Variants in SPEN observed in about 807,000 individuals in gnomAD.
The protein encoded by SPEN is msx2-interacting protein.
A neutral mutation model predicts 269.9 loss-of-function variants in SPEN; 18 were observed. That is an observed-to-expected ratio of 0.07 (90% CI 0.05 to 0.10). The LOEUF (loss-of-function observed/expected upper bound fraction) is 0.10, where lower values mean the gene tolerates loss of function less well. SPEN is among the 10% of genes least tolerant of loss of function. The probability of loss-of-function intolerance (pLI) is 1.00; values close to 1 mark genes in which losing one functional copy is unlikely to be tolerated. For missense variants in SPEN, 3,822 were observed against 4,631.2 expected (o/e 0.83, Z 5.07); for synonymous variants, 1,726 against 1,765.7 (o/e 0.98, Z 0.56).
intron 3 of SPEN, among the ~76,000 whole-genome samples, chr1:15,904,580 A>G (rs2070937683): frequency 6.6e-6 from 1 of 151,646 alleles, no homozygotes; most frequent in South Asian, 2.1e-4. Flanking sequence ...TGATTCTGAA[A>G]GTTAAATTCT....
At position 15,937,761 on chromosome 1, in the gene SPEN, G is replaced by C. The variant is rs1557764063; in HGVS notation, c.10510-51G>C. 6.2e-7 allele frequency: 1 copy of C among 1,611,328 alleles called. No homozygotes were observed. The highest frequency in any genetic ancestry group is 1.7e-5 in the Admixed American group (1 of 59,054). On this transcript the variant is annotated intron_variant, in intron 12 of 14. Transcript: ENST00000375759. The surrounding 1 kb of genome is among the most constrained non-coding windows in gnomAD (Gnocchi z 5.7). ...TACAGCCTCTGGCTGTGTCCAGCAT[G>C]GCTCAGCGAGGGGCCATGAGCTCAC...
intron 1 of SPEN, 72 bp from the exon 2 acceptor site, chr1:15,872,744 C>CA (rs1281924434): frequency 4.1e-5 from 54 of 1,324,676 alleles, no homozygotes; most frequent in Middle Eastern, 2.2e-4. Context: ...GCAAATTGTC[C>CA]AAAAAAAATC....
At chr1:15,894,536 G>GTTTTTT (rs766111268) in intron 3 of SPEN, among the ~76,000 whole-genome samples, 33 of 100,396 alleles carry the variant, frequency 3.3e-4, no homozygotes, top group Non-Finnish European at 4.0e-4. Context: ...TATTATGGTT[G>GTTTTTT]TTTTTTTTTT....
intron 3 of SPEN, among the ~76,000 whole-genome samples, chr1:15,883,185 A>G (rs955266236): frequency 2.0e-5 from 3 of 152,230 alleles, no homozygotes; most frequent in Non-Finnish European, 4.4e-5. Context: ...GTCATAAGCT[A>G]GAAGATATAA....
Position 15,931,291 on chromosome 1 carries a change from A to G in SPEN, c.5051A>G (p.Lys1684Arg). Residue 1684 changes from lysine (K) to arginine (R), a missense_variant, in exon 11 of 15, where the codon AAG becomes AGG. Coordinates refer to ENST00000375759, the MANE Select transcript of SPEN (RefSeq NM_015001.3). This position sits in a 1 kb window ranked among gnomAD's most constrained non-coding sequence, Gnocchi z 4.8. ...VEPATVSEEA[K>R]PASEPAPAPV... ...CCAGCTACCGTCTCAGAAGAAGCAA[A>G]GCCTGCATCTGAACCTGCTCCTGCC... 1 of 1,614,170 alleles carries G rather than the reference A, an allele frequency of 6.2e-7. No homozygotes were observed. Among genetic ancestry groups the G allele is most frequent in the South Asian group, 1.1e-5 (1 of 91,078 alleles).
intron 3 of SPEN, among the ~76,000 whole-genome samples, chr1:15,886,775 C>T (rs981241288): frequency 6.6e-5 from 10 of 152,118 alleles, no homozygotes; most frequent in African/African-American, 2.2e-4. Context: ...GAGTTTATTA[C>T]CAAAGTCCCC....
Position 15,928,351 on chromosome 1 carries a change from G to A in SPEN, c.2111G>A (p.Arg704Lys). ...EYSYRQRERERERERFESDRD... is the reference protein window; with the variant it reads ...EYSYRQREREKERERFESDRD... Reference sequence around the variant, plus strand: ...AGTTACAGGCAAAGGGAACGAGAAAGAGAACGTGAAAGATTTGAGTCTGAC... The same window carrying A: ...AGTTACAGGCAAAGGGAACGAGAAAAAGAACGTGAAAGATTTGAGTCTGAC... The change falls in exon 11 of 15, where the codon AGA becomes AAA. Residue 704 changes from arginine (R) to lysine (K), a missense_variant. Arg to Lys is a conservative substitution (Grantham distance 26). This residue lies in a region of SPEN where 572 missense variants were observed against 582.6 expected (regional missense o/e 0.98). Coordinates refer to ENST00000375759, the MANE Select transcript of SPEN (RefSeq NM_015001.3). The surrounding 1 kb of genome is among the most constrained non-coding windows in gnomAD (Gnocchi z 5.7). 1 of 1,614,220 alleles carries A rather than the reference G, an allele frequency of 6.2e-7. No individual in the cohort carries two copies. Among genetic ancestry groups the A allele is most frequent in the Non-Finnish European group, 8.5e-7 (1 of 1,180,042 alleles).
In SPEN at chr1:15,848,049, C is replaced by A; in HGVS notation, c.-19C>A. 2 of 1,403,010 alleles carry A rather than the reference C, an allele frequency of 1.4e-6. No individual in the cohort carries two copies. Among genetic ancestry groups the A allele is most frequent in the African/African-American group, 1.5e-5 (1 of 68,052 alleles). The allele number at this position is 1,403,010 out of a possible 1,614,324, so 86.9% of individuals were successfully genotyped here. ...GCGAGGGGGAGCCAGCAGCGGCGGT[C>A]GCCGGCACGCCGCCCAGCATGGTCC... On this transcript the variant is annotated 5_prime_UTR_variant, in exon 1 of 15. Coordinates refer to ENST00000375759, the MANE Select transcript of SPEN (RefSeq NM_015001.3). The surrounding 1 kb of genome is among the most constrained non-coding windows in gnomAD (Gnocchi z 5.1).
chr1:15,876,773 A>T (rs2070635145), intron 3 of SPEN, 95 bp downstream of exon 3: 6 of 968,264 alleles, frequency 6.2e-6, no homozygotes, highest in Admixed American at 4.5e-5. Flanking sequence ...TTATTTTTTA[A>T]AGTAATCTTG....
chr1:15,887,391 C>A (rs1285975315), intron 3 of SPEN, among the ~76,000 whole-genome samples: 1 of 149,484 alleles, frequency 6.7e-6, no homozygotes, highest in Non-Finnish European at 1.5e-5. Flanking sequence ...CGCCATTGTC[C>A]TGCCTCAGTC....
At chr1:15,861,101 A>G (rs2148705370) in intron 1 of SPEN, among the ~76,000 whole-genome samples, 1 of 149,112 alleles carries the variant, frequency 6.7e-6, no homozygotes, top group South Asian at 2.1e-4. Context: ...TTTGGTAGAG[A>G]TGGGGTTTCA....
At chr1:15,936,295 C>G in intron 11 of SPEN, 29 bp downstream of exon 11, 1 of 1,515,152 alleles carries the variant, frequency 6.6e-7, no homozygotes, top group Non-Finnish European at 8.9e-7. Flanking sequence ...TCCCCACTGT[C>G]TGTTGGGCAT....
chr1:15,922,898 G>A (rs1011323265), intron 10 of SPEN, among the ~76,000 whole-genome samples: 4 of 152,084 alleles, frequency 2.6e-5, no homozygotes, highest in African/African-American at 4.8e-5. Flanking sequence ...ACAGGTGTGA[G>A]CCACCACACC....
At chr1:15,879,935 G>C (rs1250832401) in intron 3 of SPEN, among the ~76,000 whole-genome samples, 3 of 152,212 alleles carry the variant, frequency 2.0e-5, no homozygotes. Context: ...CTCCCAAAGT[G>C]CTGGGATTAC....
intron 1 of SPEN, among the ~76,000 whole-genome samples, chr1:15,859,175 G>A (rs1464986640): frequency 2.2e-5 from 3 of 137,912 alleles, no homozygotes; most frequent in African/African-American, 8.3e-5. Context: ...GATGGGGTCT[G>A]ACTATGTTGC....
chr1:15,919,533 T>A lies in SPEN; in HGVS notation c.1635+16T>A. 1.3e-6 allele frequency: 2 copies of A among 1,535,784 alleles called. No homozygotes were observed. The highest frequency in any genetic ancestry group is 1.8e-6 in the Non-Finnish European group (2 of 1,129,720). Reference sequence around the variant, plus strand: ...TGTGGTAAAGGTAGGCGGGAGGTTTTGGTATGTGGTTCAGACTTCTGACTC... The same window carrying A: ...TGTGGTAAAGGTAGGCGGGAGGTTTAGGTATGTGGTTCAGACTTCTGACTC... On this transcript the variant is annotated intron_variant, in intron 8 of 14. Transcript: ENST00000375759.
chr1:15,859,947 T>C (rs1004127998), intron 1 of SPEN, among the ~76,000 whole-genome samples: 3 of 117,196 alleles, frequency 2.6e-5, no homozygotes, highest in African/African-American at 1.0e-4. Flanking sequence ...AGTCTTGCTC[T>C]GTCACCCAGG....
In SPEN at chr1:15,857,689, G is replaced by T. The variant is rs201603869; in HGVS notation, c.83+9539G>T. Among the ~76,000 whole-genome samples, 1,009 of 151,344 alleles carry T rather than the reference G, an allele frequency of 6.7e-3. 14 individuals are homozygous for T. Among genetic ancestry groups the T allele is most frequent in the African/African-American group, 0.024 (979 of 41,216 alleles). ...ATTTATTTATTTTCATAAAAAAATT[G>T]TTTTTTTTCTACCCAGGTTGGAGTG... On this transcript the variant is annotated intron_variant, in intron 1 of 14. Transcript: ENST00000375759.
At chr1:15,861,999 G>T (rs908984359) in intron 1 of SPEN, among the ~76,000 whole-genome samples, 1 of 152,128 alleles carries the variant, frequency 6.6e-6, no homozygotes, top group Non-Finnish European at 1.5e-5. Flanking sequence ...CTGAGATTGC[G>T]CCACTTTACT....
Sources: allele counts gnomAD v4.1 joint callset (sites outside exome capture counted in the v4.1 genomes callset), GRCh38; gene constraint gnomAD v4.1.1; regional missense constraint gnomAD v4.1.1; non-coding constraint Gnocchi (gnomAD v3.1); transcripts MANE v1.5; gene names NCBI Gene and HGNC (gene_info 2026-07-23, HGNC 2026-07-21).